Variants in MAP1B observed in about 807,000 individuals in gnomAD.
MAP1B encodes microtubule-associated protein 1B.
In MAP1B, 12 loss-of-function variants were observed where a neutral mutation model predicts 176.1. The ratio of observed to expected loss-of-function variants is 0.07; its 90% CI spans 0.04 to 0.11. MAP1B has a LOEUF of 0.11. MAP1B is among the 10% of genes least tolerant of loss of function. The pLI, the probability that MAP1B is intolerant of heterozygous loss-of-function variation, is 1.00. For synonymous variants in MAP1B, 1,044 were observed against 1,135.0 expected, an observed-to-expected ratio of 0.92 and a Z score of 1.61; for missense variants, 2,523 against 2,990.5, an observed-to-expected ratio of 0.84 and a Z score of 3.65.
At chr5:72,167,189 G>T (rs1256474277) in intron 2 of MAP1B, among the ~76,000 whole-genome samples, 3 of 151,972 alleles carry the variant, frequency 2.0e-5, no homozygotes, top group Non-Finnish European at 4.4e-5. Flanking sequence ...GCACCTCCCT[G>T]GTCCATGCAA....
intron 2 of MAP1B, among the ~76,000 whole-genome samples, chr5:72,179,448 T>C (rs560963883): frequency 5.9e-5 from 9 of 152,304 alleles, no homozygotes; most frequent in African/African-American, 1.9e-4. Flanking sequence ...CAAGCCAGGG[T>C]GGTGGCCTCC....
chr5:72,175,701 G>C (rs1247385837), intron 2 of MAP1B, among the ~76,000 whole-genome samples: 8 of 152,146 alleles, frequency 5.3e-5, no homozygotes, highest in Non-Finnish European at 4.4e-5. Flanking sequence ...AAACACCGAA[G>C]AGAGGATTTA....
At chr5:72,160,550 T>C (rs1378939799) in intron 2 of MAP1B, among the ~76,000 whole-genome samples, 1 of 152,256 alleles carries the variant, frequency 6.6e-6, no homozygotes, top group Admixed American at 6.5e-5. Context: ...TGGTGTCTTC[T>C]GTTTATATCA....
At chr5:72,179,557 C>T (rs552427698) in intron 2 of MAP1B, 26 of 945,754 alleles carry the variant, frequency 2.7e-5, no homozygotes, top group Non-Finnish European at 3.3e-5. Context: ...GCCCGCCTGC[C>T]GCAGGAAAGC....
At chr5:72,111,029 T>G (rs942434405) in intron 1 of MAP1B, among the ~76,000 whole-genome samples, 2 of 152,204 alleles carry the variant, frequency 1.3e-5, no homozygotes, top group Non-Finnish European at 2.9e-5. Context: ...TAGGCTAGCT[T>G]CATTTATTTA....
At position 72,199,362 on chromosome 5, in the gene MAP1B, G is replaced by C. The variant is rs144122529; in HGVS notation, c.6007G>C (p.Asp2003His). 593 of 1,614,082 alleles carry C rather than the reference G, an allele frequency of 3.7e-4. 16 individuals are homozygous for C. The East Asian group carries it at 0.013, about 36-fold the overall frequency. ...DSEDGGHTLG[D>H]PSYSYETTEK... ...TGAGGATGGTGGCCACACACTTGGG[G>C]ACCCCAGCTACTCTTATGAAACCAC... Residue 2003 changes from aspartate to histidine, a missense_variant, in exon 5 of 7, where the codon GAC becomes CAC. Asp to His is a moderately conservative substitution (Grantham distance 81). Transcript: ENST00000296755. This position sits in a 1 kb window ranked among gnomAD's most constrained non-coding sequence, Gnocchi z 4.2.
chr5:72,144,633 G>A (rs919839833), intron 2 of MAP1B, among the ~76,000 whole-genome samples: 2 of 152,026 alleles, frequency 1.3e-5, no homozygotes, highest in African/African-American at 4.8e-5. Flanking sequence ...AGCCTCAAGC[G>A]ATCCCCCCAC....
At chr5:72,153,859 C>T (rs569401302) in intron 2 of MAP1B, among the ~76,000 whole-genome samples, 2 of 152,172 alleles carry the variant, frequency 1.3e-5, no homozygotes, top group East Asian at 3.9e-4. Flanking sequence ...TGCACAAAGA[C>T]ATTCCCCCCA....
chr5:72,164,068 G>C (rs1435480095), intron 2 of MAP1B, among the ~76,000 whole-genome samples: 2 of 150,248 alleles, frequency 1.3e-5, no homozygotes, highest in Non-Finnish European at 3.0e-5. Flanking sequence ...AAGTAGCTAG[G>C]ACAAGTACTT....
At chr5:72,151,398 A>T (rs1168005024) in intron 2 of MAP1B, among the ~76,000 whole-genome samples, 2 of 152,184 alleles carry the variant, frequency 1.3e-5, no homozygotes, top group Non-Finnish European at 2.9e-5. Context: ...GCAAGAACAA[A>T]CAAGTCATGT....
At chr5:72,141,396 G>A (rs1398337742) in intron 2 of MAP1B, among the ~76,000 whole-genome samples, 11 of 152,216 alleles carry the variant, frequency 7.2e-5, no homozygotes, top group South Asian at 4.1e-4. Flanking sequence ...TTTGATGCAC[G>A]TTAGAAAAGA....
At chr5:72,202,143 GTACTAATTGAC>G (rs746024079) in intron 5 of MAP1B, among the ~76,000 whole-genome samples, 49 of 152,336 alleles carry the variant, frequency 3.2e-4, no homozygotes, top group Non-Finnish European at 5.7e-4. Flanking sequence ...CAAAGTTGCA[GTACTAATTGAC>G]TTTTAAAGCA....
intron 2 of MAP1B, among the ~76,000 whole-genome samples, chr5:72,130,239 A>G (rs1422696383): frequency 6.6e-6 from 1 of 152,110 alleles, no homozygotes. Context: ...AAATAATCAT[A>G]GGGATACATT....
intron 5 of MAP1B, 67 bp from the exon 6 acceptor site, chr5:72,203,496 C>T: frequency 8.9e-7 from 1 of 1,117,334 alleles, no homozygotes; most frequent in Non-Finnish European, 1.4e-6. Context: ...GAGTGGGGAA[C>T]ATGTGCTGGA....
Position 72,197,162 on chromosome 5 carries a change from G to C in MAP1B, c.3807G>C (p.Lys1269Asn), listed in dbSNP as rs778832697. The change falls in exon 5 of 7, where the codon AAG (lysine) becomes AAC (asparagine). Residue 1269 changes from lysine (K) to asparagine (N), a missense_variant. Coordinates refer to ENST00000296755, the MANE Select transcript of MAP1B (RefSeq NM_005909.5). ...LSPSPPSPLE[K>N]TPLGERSVNF... ...CATCTCCACCATCACCCTTAGAAAA[G>C]ACCCCCCTGGGTGAACGTAGTGTGA... 6.2e-7 allele frequency: 1 copy of C among 1,614,040 alleles called. No individual in the cohort carries two copies. Among genetic ancestry groups the C allele is most frequent in the African/African-American group, 1.3e-5 (1 of 74,914 alleles).
At chr5:72,185,751 T>C (rs909028744) in intron 3 of MAP1B, among the ~76,000 whole-genome samples, 5 of 152,156 alleles carry the variant, frequency 3.3e-5, no homozygotes, top group African/African-American at 1.2e-4. Context: ...ATTACTTAGG[T>C]ACATGTGTTT....
At chr5:72,167,134 CAG>C (rs1394829425) in intron 2 of MAP1B, among the ~76,000 whole-genome samples, 6 of 150,252 alleles carry the variant, frequency 4.0e-5, no homozygotes, top group African/African-American at 9.8e-5. Flanking sequence ...CAAAGGGAAA[CAG>C]GGGATCCAAA....
chr5:72,112,959 C>T (rs1336913736), intron 1 of MAP1B, among the ~76,000 whole-genome samples: 1 of 152,150 alleles, frequency 6.6e-6, no homozygotes, highest in Non-Finnish European at 1.5e-5. Context: ...CCCCAGGATG[C>T]CCTCCAGCCA....
chr5:72,185,327 G>A (rs1746871101), intron 3 of MAP1B, among the ~76,000 whole-genome samples: 1 of 152,216 alleles, frequency 6.6e-6, no homozygotes, highest in South Asian at 2.1e-4. Flanking sequence ...TGAGGAAAGT[G>A]ATGGGATAGC....
Sources: gnomAD v4.1 joint callset for allele counts (sites outside exome capture counted in the v4.1 genomes callset) on GRCh38, gnomAD v4.1.1 for gene constraint, Gnocchi (gnomAD v3.1) non-coding constraint, MANE v1.5 for transcripts, NCBI Gene and HGNC (gene_info 2026-07-23, HGNC 2026-07-21) for gene names.